The following LBHD1 variants were observed in gnomAD, a reference collection of about 807,000 sequenced individuals.
The protein encoded by LBHD1 is LBH domain containing 1.
LBHD1 carries 28 observed loss-of-function variants against 31.1 expected under a neutral mutation model. The ratio of observed to expected loss-of-function variants is 0.90; its 90% CI spans 0.67 to 1.24. LBHD1 has a LOEUF of 1.24. LBHD1 is among the 50% of genes most tolerant of loss of function. The probability of loss-of-function intolerance (pLI) is 0.00; values close to 1 mark genes in which losing one functional copy is unlikely to be tolerated. For missense variants in LBHD1, 350 were observed against 323.0 expected, an observed-to-expected ratio of 1.08 and a Z score of -0.64; for synonymous variants, 105 against 116.5, an observed-to-expected ratio of 0.90 and a Z score of 0.63.
At chr11:62,667,240 G>C (rs1297079626) in intron 4 of LBHD1, 3 of 660,666 alleles carry the variant, frequency 4.5e-6, no homozygotes, top group Non-Finnish European at 7.7e-6. Flanking sequence ...ATAACTTGGA[G>C]TTACGGAGAT....
intron 4 of LBHD1, chr11:62,666,329 G>A (rs951216620): frequency 6.6e-7 from 1 of 1,511,550 alleles, no homozygotes; most frequent in Non-Finnish European, 9.1e-7. Flanking sequence ...AAAGACGCCA[G>A]TGTGTATATA....
At chr11:62,664,805 A>G in intron 5 of LBHD1, 44 bp downstream of exon 5, 1 of 1,549,930 alleles carries the variant, frequency 6.5e-7, no homozygotes, top group African/African-American at 1.4e-5. Context: ...GGAGGAAGGA[A>G]GACTCGGTGG....
intron 1 of LBHD1, chr11:62,670,396 C>T (rs1944917596): frequency 4.5e-6 from 1 of 223,528 alleles, no homozygotes; most frequent in South Asian, 1.3e-4. Context: ...ATGGTGTTTA[C>T]TCTTTGGCAG....
intron 3 of LBHD1, among the ~76,000 whole-genome samples, chr11:62,669,218 C>G (rs1328881722): frequency 6.6e-6 from 1 of 152,040 alleles, no homozygotes; most frequent in Non-Finnish European, 1.5e-5. Context: ...CCGCGGCCAG[C>G]CTTAATCTGT....
chr11:62,665,153 C>A (rs777093659), intron 4 of LBHD1, 180 bp from the exon 5 acceptor site: 3 of 931,250 alleles, frequency 3.2e-6, no homozygotes, highest in Admixed American at 4.0e-5. Flanking sequence ...GTTGATCTTT[C>A]CCCCCGGAGC....
At chr11:62,665,307 G>C (rs1310269184) in intron 4 of LBHD1, 1 of 713,046 alleles carries the variant, frequency 1.4e-6, no homozygotes, top group African/African-American at 1.8e-5. Context: ...CGCGGTGCGG[G>C]AGGCCTTTCG....
Position 62,671,179 on chromosome 11 carries a change from C to T in LBHD1, c.-11+385G>A, listed in dbSNP as rs574308228. 1.2e-5 allele frequency: 5 copies of T among 434,472 alleles called. No individual in the cohort carries two copies. In the East Asian group the frequency reaches 3.5e-4, roughly 31 times the overall value. 26.9% of individuals were successfully genotyped at this position (434,472 alleles called of 1,614,324 possible). A position where few individuals can be genotyped will look rare whatever the true frequency, so the allele number is the denominator to read the frequency against. On this transcript the variant is annotated intron_variant, in intron 1 of 6. Coordinates refer to ENST00000354588, the MANE Select transcript of LBHD1 (RefSeq NM_024099.5). ...AAACCCAAACAATACCAAGTGTGTA[C>T]CATGACGAGAAAAGGAATAGGTTGT...
At position 62,667,644 on chromosome 11, in the gene LBHD1, A is replaced by G; in HGVS notation, c.417T>C (p.Leu139=). 2 of 1,614,172 alleles carry G rather than the reference A, an allele frequency of 1.2e-6. No individual in the cohort carries two copies. Among genetic ancestry groups the G allele is most frequent in the South Asian group, 1.1e-5 (1 of 91,082 alleles). The change falls in exon 4 of 7, where the codon CTT becomes CTC. Residue 139 remains leucine (L), a synonymous_variant. Transcript: ENST00000354588. Reference sequence around the variant, plus strand: ...TGGCTTCCAGACATGCTGTGTCCTCAAGAATCCAACAAGCATCTTCTTCAT... The same window carrying G: ...TGGCTTCCAGACATGCTGTGTCCTCGAGAATCCAACAAGCATCTTCTTCAT... ...DQDEEDACWI[L]EDTACLEATN... is the part of the protein sequence containing the mutation.
In LBHD1 at chr11:62,663,261, G is replaced by C; in HGVS notation, c.736C>G (p.Pro246Ala). ...CTTCCATGGCTGTCTTCTCTTTCTG[G>C]GCAAGCCGGATCTGCTGGAGGAGTT... ...QKTPPADPACPEREDSHGSGS... is the reference protein window; with the variant it reads ...QKTPPADPACAEREDSHGSGS... The change falls in exon 6 of 7, where the codon CCA becomes GCA. Residue 246 changes from proline to alanine, a missense_variant. Pro to Ala is a conservative substitution (Grantham distance 27, BLOSUM62 -1). Transcript: ENST00000354588. 1.2e-6 allele frequency: 2 copies of C among 1,614,140 alleles called. 1 individual carries two copies. The highest frequency in any genetic ancestry group is 3.3e-4 in the Middle Eastern group (2 of 6,062).
intron 3 of LBHD1, chr11:62,669,323 G>A (rs1944897082): frequency 2.3e-6 from 2 of 873,988 alleles, no homozygotes; most frequent in African/African-American, 3.7e-5. Flanking sequence ...CGTGAACCCA[G>A]GAGGCGGAGC....
In LBHD1 at chr11:62,666,806, C is replaced by G. The variant is rs530577932; in HGVS notation, c.538+717G>C. Reference sequence around the variant, plus strand: ...GGCTTCTTCAGGCTCTTTCCAACTACTGCTGGACAAAGGCACATGGGATGC... The same window carrying G: ...GGCTTCTTCAGGCTCTTTCCAACTAGTGCTGGACAAAGGCACATGGGATGC... On this transcript the variant is annotated intron_variant, in intron 4 of 6. Coordinates refer to ENST00000354588, the MANE Select transcript of LBHD1 (RefSeq NM_024099.5). 65 of 1,614,250 alleles carry G rather than the reference C, an allele frequency of 4.0e-5. No homozygotes were observed. The East Asian group carries it at 1.3e-3, about 32-fold the overall frequency.
rs1590843552 is a variant in LBHD1, at chr11:62,663,170, G to A, written c.762-11C>T. The A allele has an allele frequency of 1.2e-6, 2 of 1,613,852 alleles. No homozygotes were observed. Among genetic ancestry groups the A allele is most frequent in the Non-Finnish European group, 1.7e-6 (2 of 1,179,936 alleles). On this transcript the variant is annotated splice_polypyrimidine_tract_variant and intron_variant, in intron 6 of 6. Transcript: ENST00000354588. ...TTGAAGGGGCTTCCACTGAGTAAAG[G>A]GAAGAAGGAAGTATTATCCCAAATA...
At chr11:62,666,692 G>A (rs1282825239) in intron 4 of LBHD1, 9 of 1,614,026 alleles carry the variant, frequency 5.6e-6, no homozygotes, top group South Asian at 2.2e-5. Context: ...CCTCCTGGAG[G>A]GTGGCCCAGG....
chr11:62,671,263 G>A (rs1179060190), intron 1 of LBHD1: 1 of 499,656 alleles, frequency 2.0e-6, no homozygotes, highest in South Asian at 1.5e-5. Context: ...CAGTATACTT[G>A]ACTTTGAGTG....
At chr11:62,667,245 G>A (rs940986674) in intron 4 of LBHD1, 26 of 652,368 alleles carry the variant, frequency 4.0e-5, no homozygotes, top group Non-Finnish European at 5.7e-5. Flanking sequence ...TTGGAGTTAC[G>A]GAGATTACAT....
intron 4 of LBHD1, 55 bp from the exon 5 acceptor site, chr11:62,665,028 C>G (rs1439001869): frequency 2.5e-6 from 4 of 1,599,558 alleles, no homozygotes; most frequent in Admixed American, 1.7e-5. Context: ...GACCCGGGGC[C>G]CCTCCACCAG....
chr11:62,665,723 C>G, intron 4 of LBHD1: 1 of 1,464,272 alleles, frequency 6.8e-7, no homozygotes, highest in Middle Eastern at 1.8e-4. Context: ...TCTGTGTCCG[C>G]GTTCTTTTTT....
intron 5 of LBHD1, 27 bp downstream of exon 5, chr11:62,664,822 C>A (rs1944750084): frequency 1.3e-6 from 2 of 1,553,666 alleles, no homozygotes; most frequent in Non-Finnish European, 1.7e-6. Context: ...GTGGGGACGA[C>A]CAACAGGAAG....
Position 62,672,127 on chromosome 11 carries a change from C to G in LBHD1, c.-574G>C. Reference sequence around the variant, plus strand: ...GAGGTCACCGTGAGACCGGACTTGCCTCCGTGGGCGCCGGACCTTGGCTTG... The same window carrying G: ...GAGGTCACCGTGAGACCGGACTTGCGTCCGTGGGCGCCGGACCTTGGCTTG... On this transcript the variant is annotated 5_prime_UTR_variant, in exon 1 of 7. Coordinates refer to ENST00000354588, the MANE Select transcript of LBHD1 (RefSeq NM_024099.5). The G allele has an allele frequency of 6.4e-7, 1 of 1,559,614 alleles. No individual in the cohort carries two copies. The highest frequency in any genetic ancestry group is 8.7e-7 in the Non-Finnish European group (1 of 1,153,804).
Sources: allele counts gnomAD v4.1 joint callset (sites outside exome capture counted in the v4.1 genomes callset), GRCh38; gene constraint gnomAD v4.1.1; transcripts MANE v1.5; gene names NCBI Gene and HGNC (gene_info 2026-07-23, HGNC 2026-07-21).